PHOX2A: variants seen among roughly 807,000 people sequenced by gnomAD.
PHOX2A encodes the protein paired like homeobox 2A.
PHOX2A carries 10 observed loss-of-function variants against 16.4 expected under a neutral mutation model. That is an observed-to-expected ratio of 0.61 (90% CI 0.38 to 1.04). PHOX2A has a LOEUF of 1.04. Ranked by LOEUF, PHOX2A falls within the 50% of genes least tolerant of loss-of-function variation. The pLI is 0.01. For synonymous variants in PHOX2A, 219 were observed against 203.8 expected, an observed-to-expected ratio of 1.07 and a Z score of -0.64; for missense variants, 361 against 419.4, an observed-to-expected ratio of 0.86 and a Z score of 1.22.
In PHOX2A at chr11:72,239,802, G is replaced by T; in HGVS notation, c.802C>A (p.Leu268Met). The T allele has an allele frequency of 7.4e-7, 1 of 1,351,174 alleles. No homozygotes were observed. The highest frequency in any genetic ancestry group is 9.6e-7 in the Non-Finnish European group (1 of 1,042,456). 83.7% of individuals were successfully genotyped at this position (1,351,174 alleles called of 1,614,324 possible). The change falls in exon 3 of 3, where the codon CTG (leucine) becomes ATG (methionine). Residue 268 changes from leucine (L) to methionine (M), a missense_variant. Around this residue, in one of 3 missense-constraint regions of PHOX2A, gnomAD observed 71 missense variants for 54.1 expected, o/e 1.31. Transcript: ENST00000298231. ...CCGGGCTTCCGGTGAAAGGAGGACA[G>T]AACCCCGGAGAAGGGCCCGGGGCCG... ...ESGPGPFSGV[L>M]SSFHRKPGPA...
intron 1 of PHOX2A, 117 bp from the exon 2 acceptor site, chr11:72,241,406 C>T: frequency 1.5e-6 from 1 of 665,914 alleles, no homozygotes; most frequent in South Asian, 1.9e-5. Flanking sequence ...CGTCCCTGGC[C>T]TGATCCCTCG....
rs773687701 is a variant in PHOX2A, at chr11:72,240,079, G to C, written c.525C>G (p.Asp175Glu). 6 of 1,530,600 alleles carry C rather than the reference G, an allele frequency of 3.9e-6. No individual in the cohort carries two copies. The highest frequency in any genetic ancestry group is 5.2e-6 in the Non-Finnish European group (6 of 1,143,544). 94.8% of individuals were successfully genotyped at this position (1,530,600 alleles called of 1,614,324 possible). A position where few individuals can be genotyped will look rare whatever the true frequency, so the allele number is the denominator to read the frequency against. The change falls in exon 3 of 3, where the codon GAC (aspartate) becomes GAG (glutamate). Residue 175 changes from aspartate (D) to glutamate (E), a missense_variant. Coordinates refer to ENST00000298231, the MANE Select transcript of PHOX2A (RefSeq NM_005169.4). Reference protein sequence around the residue: ...KGEARCSSEDDDSKESTCSPT... With the variant: ...KGEARCSSEDEDSKESTCSPT... ...GGCTGCACGTGGACTCCTTGGAATCGTCGTCCTCGGAGGAGCAGCGCGCCT... is the reference window on the plus strand; with the variant it reads ...GGCTGCACGTGGACTCCTTGGAATCCTCGTCCTCGGAGGAGCAGCGCGCCT...
At chr11:72,241,076 T>C in intron 2 of PHOX2A, 26 bp downstream of exon 2, 2 of 1,610,034 alleles carry the variant, frequency 1.2e-6, no homozygotes, top group Admixed American at 1.7e-5. Flanking sequence ...ATGCGCACTC[T>C]CGTACACACA....
chr11:72,240,019 C>G lies in PHOX2A; in HGVS notation c.585G>C (p.Pro195=). Residue 195 remains proline (P), a synonymous_variant, in exon 3 of 3, where the codon CCG becomes CCC. Transcript: ENST00000298231. ...TPDSTASLPP[P]PAPGLASPRL... ...GCGGGCTGGCCAGGCCGGGCGCAGG[C>G]GGCGGCGGCAGCGAGGCGGTGCTAT... is the stretch of plus-strand genomic sequence containing the variant. The G allele has an allele frequency of 2.8e-6, 4 of 1,428,930 alleles. No homozygotes were observed. The South Asian group carries it at 5.8e-5, about 21-fold the overall frequency. 88.5% of individuals were successfully genotyped at this position (1,428,930 alleles called of 1,614,324 possible).
At chr11:72,243,727 G>A in intron 1 of PHOX2A, 61 bp downstream of exon 1, 2 of 1,036,470 alleles carry the variant, frequency 1.9e-6, no homozygotes, top group Non-Finnish European at 2.5e-6. Context: ...CATTCACTTG[G>A]CGAGCGGGCC....
At chr11:72,240,483 T>C (rs552450197) in intron 2 of PHOX2A, among the ~76,000 whole-genome samples, 1 of 152,262 alleles carries the variant, frequency 6.6e-6, no homozygotes, top group South Asian at 2.1e-4. Context: ...TTCGTTCTCC[T>C]CACTCTAAGT....
chr11:72,240,094 G>T lies in PHOX2A; in HGVS notation c.510C>A (p.Cys170Ter). 7.8e-6 allele frequency: 12 copies of T among 1,531,262 alleles called. No individual in the cohort carries two copies. The highest frequency in any genetic ancestry group is 9.6e-6 in the Non-Finnish European group (11 of 1,143,854). 94.9% of individuals were successfully genotyped at this position (1,531,262 alleles called of 1,614,324 possible). A position where few individuals can be genotyped will look rare whatever the true frequency, so the allele number is the denominator to read the frequency against. The change falls in exon 3 of 3, where the codon TGC (cysteine) becomes TGA (stop). Residue 170 changes from cysteine to a stop codon, truncating the protein, a stop_gained. Coordinates refer to ENST00000298231, the MANE Select transcript of PHOX2A (RefSeq NM_005169.4). LOFTEE classifies it high-confidence loss of function. Reference protein sequence around the residue: ...AAGAKKGEARCSSEDDDSKES... With the variant: ...AAGAKKGEAR ...CCTTGGAATCGTCGTCCTCGGAGGA[G>T]CAGCGCGCCTCGCCCTTTTTGGCGC...
At chr11:72,240,252 C>T (rs1192781078) in intron 2 of PHOX2A, 54 bp from the exon 3 acceptor site, 25 of 1,522,280 alleles carry the variant, frequency 1.6e-5, no homozygotes, top group African/African-American at 2.8e-5. Flanking sequence ...CGCACGGGGT[C>T]AGCCCGCGGC....
chr11:72,239,463 C>T lies in PHOX2A; in HGVS notation c.*286G>A, dbSNP rs1401144911. ...TGAGGGCACTGTTAGGGACAGGCCT[C>T]ATGTGATACCGCATCCAAAGAAGGC... On this transcript the variant is annotated 3_prime_UTR_variant, in exon 3 of 3. Transcript: ENST00000298231. 2 of 318,074 alleles carry T rather than the reference C, an allele frequency of 6.3e-6. No homozygotes were observed. Among genetic ancestry groups the T allele is most frequent in the African/African-American group, 4.3e-5 (2 of 46,726 alleles). 19.7% of individuals were successfully genotyped at this position (318,074 alleles called of 1,614,324 possible). A position where few individuals can be genotyped will look rare whatever the true frequency, so the allele number is the denominator to read the frequency against.
chr11:72,243,869 C>T lies in PHOX2A; in HGVS notation c.136G>A (p.Gly46Arg), dbSNP rs1396118353. ...GAGCCGAGCGCGGGGCAGGGCGGCC[C>T]TGCCGCGGGGAAAGCGGGCCGCAGG... ...SPLRPAFPAA[G>R]PPCPALGSSN... Residue 46 changes from glycine (G) to arginine (R), a missense_variant, in exon 1 of 3, where the codon GGG becomes AGG. By Grantham distance (125) the Gly-to-Arg change is moderately radical (BLOSUM62 -2). This residue lies in a region of PHOX2A where 235 missense variants were observed against 263.8 expected (regional missense o/e 0.89). Coordinates refer to ENST00000298231, the MANE Select transcript of PHOX2A (RefSeq NM_005169.4). 1 of 1,274,534 alleles carries T rather than the reference C, an allele frequency of 7.8e-7. No homozygotes were observed. 79.0% of individuals were successfully genotyped at this position (1,274,534 alleles called of 1,614,324 possible). A position where few individuals can be genotyped will look rare whatever the true frequency, so the allele number is the denominator to read the frequency against.
rs1037087044 is a variant in PHOX2A at position 72,244,139 on chromosome 11, C to T, written c.-135G>A. ...TCTGAGCGCCCGAGAGTCCGCCCGC[C>T]CCGTCGCGGCCGCACTCAGCCCGGG... On this transcript the variant is annotated 5_prime_UTR_variant, in exon 1 of 3. Coordinates refer to ENST00000298231, the MANE Select transcript of PHOX2A (RefSeq NM_005169.4). The T allele has an allele frequency of 7.2e-6, 3 of 415,062 alleles. No homozygotes were observed. The highest frequency in any genetic ancestry group is 7.2e-5 in the East Asian group (2 of 27,852). 25.7% of individuals were successfully genotyped at this position (415,062 alleles called of 1,614,324 possible).
In PHOX2A at chr11:72,241,304, A is replaced by AGGGGGGGGGGGGGGG; in HGVS notation, c.218-16_218-15insCCCCCCCCCCCCCCC. ...CTTGTAGGGCACTGCGGGTGTGTGC[A>AGGGGGGGGGGGGGGG]GGGGGGCCGGGGGGGGGGCAAAAAG... On this transcript the variant is annotated splice_polypyrimidine_tract_variant and intron_variant, in intron 1 of 2. Transcript: ENST00000298231. The AGGGGGGGGGGGGGGG allele has an allele frequency of 1.8e-6, 1 of 545,964 alleles. No homozygotes were observed. Among genetic ancestry groups the AGGGGGGGGGGGGGGG allele is most frequent in the Non-Finnish European group, 2.4e-6 (1 of 424,766 alleles). 33.8% of individuals were successfully genotyped at this position (545,964 alleles called of 1,614,324 possible).
chr11:72,240,007 G>A lies in PHOX2A; in HGVS notation c.597C>T (p.Gly199=). ...TGGGGCTCAGGCGCGGGCTGGCCAG[G>A]CCGGGCGCAGGCGGCGGCGGCAGCG... ...TASLPPPPAP[G]LASPRLSPSP... Residue 199 remains glycine (G), a synonymous_variant, in exon 3 of 3, where the codon GGC becomes GGT. Transcript: ENST00000298231. The A allele has an allele frequency of 2.8e-6, 4 of 1,423,766 alleles. No homozygotes were observed. In the South Asian group the frequency reaches 6.0e-5, roughly 21 times the overall value. The allele number at this position is 1,423,766 out of a possible 1,614,324, so 88.2% of individuals were successfully genotyped here. A position where few individuals can be genotyped will look rare whatever the true frequency, so the allele number is the denominator to read the frequency against.
chr11:72,240,776 C>A (rs1949111377), intron 2 of PHOX2A, among the ~76,000 whole-genome samples: 1 of 152,178 alleles, frequency 6.6e-6, no homozygotes, highest in Non-Finnish European at 1.5e-5. Flanking sequence ...ACTGGCCTGC[C>A]CCCTCTCCTC....
At chr11:72,241,322 G>GGGGGC in intron 1 of PHOX2A, 33 bp from the exon 2 acceptor site, 2 of 626,612 alleles carry the variant, frequency 3.2e-6, no homozygotes, top group South Asian at 3.6e-5. Flanking sequence ...CGGGGGGGGG[G>GGGGGC]CAAAAAGGAT....
In PHOX2A at chr11:72,239,800, C is replaced by A; in HGVS notation, c.804G>T (p.Leu268=). Residue 268 remains leucine, a synonymous_variant, in exon 3 of 3, where the codon CTG becomes CTT. Coordinates refer to ENST00000298231, the MANE Select transcript of PHOX2A (RefSeq NM_005169.4). ...GGCCGGGCTTCCGGTGAAAGGAGGA[C>A]AGAACCCCGGAGAAGGGCCCGGGGC... ...ESGPGPFSGV[L]SSFHRKPGPA... 7.4e-7 allele frequency: 1 copy of A among 1,352,662 alleles called. No homozygotes were observed. The allele number at this position is 1,352,662 out of a possible 1,614,324, so 83.8% of individuals were successfully genotyped here.
Position 72,239,700 on chromosome 11 carries a change from G to A in PHOX2A, c.*49C>T. On this transcript the variant is annotated 3_prime_UTR_variant, in exon 3 of 3. Coordinates refer to ENST00000298231, the MANE Select transcript of PHOX2A (RefSeq NM_005169.4). ...TGGGAGGGGCTGTCAGGTCCTGGAGGGGCAGGGACGTCTCTGGGGGCAGGC... is the reference window on the plus strand; with the variant it reads ...TGGGAGGGGCTGTCAGGTCCTGGAGAGGCAGGGACGTCTCTGGGGGCAGGC... 2 of 1,278,790 alleles carry A rather than the reference G, an allele frequency of 1.6e-6. No homozygotes were observed. The highest frequency in any genetic ancestry group is 2.0e-6 in the Non-Finnish European group (2 of 999,986). The allele number at this position is 1,278,790 out of a possible 1,614,324, so 79.2% of individuals were successfully genotyped here.
rs1949093757 is a variant in PHOX2A at position 72,239,528 on chromosome 11, C to T, written c.*221G>A. ...CTCCGGGGTTCTCCTGGAGGAGGTC[C>T]CGGTATAAAGAACTCCGCTCTGCTG... On this transcript the variant is annotated 3_prime_UTR_variant, in exon 3 of 3. Coordinates refer to ENST00000298231, the MANE Select transcript of PHOX2A (RefSeq NM_005169.4). 5.1e-6 allele frequency: 2 copies of T among 395,874 alleles called. No homozygotes were observed. Among genetic ancestry groups the T allele is most frequent in the Non-Finnish European group, 8.9e-6 (2 of 224,908 alleles). The allele number at this position is 395,874 out of a possible 1,614,324, so 24.5% of individuals were successfully genotyped here.
Position 72,239,353 on chromosome 11 carries a change from T to C in PHOX2A, c.*396A>G, listed in dbSNP as rs1949089988. On this transcript the variant is annotated 3_prime_UTR_variant, in exon 3 of 3. Transcript: ENST00000298231. ...GCCCGAGGGGTGGGGCAGCGGGCTT[T>C]CCTGATCACCAGCGTAAGGGGTGAC... The C allele has an allele frequency of 6.1e-6, 1 of 162,784 alleles. No individual in the cohort carries two copies. The highest frequency in any genetic ancestry group is 1.3e-5 in the Non-Finnish European group (1 of 75,304). 10.1% of individuals were successfully genotyped at this position (162,784 alleles called of 1,614,324 possible).
Sources: gnomAD v4.1 joint callset for allele counts (sites outside exome capture counted in the v4.1 genomes callset) on GRCh38, gnomAD v4.1.1 for gene constraint, gnomAD v4.1.1 regional missense constraint, MANE v1.5 for transcripts, NCBI Gene and HGNC (gene_info 2026-07-23, HGNC 2026-07-21) for gene names.